Variants in ATF7IP2 observed in about 807,000 individuals in gnomAD.
The protein encoded by ATF7IP2 is activating transcription factor 7-interacting protein 2.
ATF7IP2 carries 42 observed loss-of-function variants against 64.2 expected under a neutral mutation model. The ratio of observed to expected loss-of-function variants is 0.65; its 90% CI spans 0.51 to 0.85. ATF7IP2 has a LOEUF of 0.85. Ranked by LOEUF, ATF7IP2 falls within the 40% of genes least tolerant of loss-of-function variation. ATF7IP2 has a pLI of 0.00. For synonymous variants in ATF7IP2, 308 were observed against 272.8 expected (o/e 1.13, Z -1.27); for missense variants, 933 against 784.2 (o/e 1.19, Z -2.27).
intron 12 of ATF7IP2, among the ~76,000 whole-genome samples, chr16:10,475,474 G>A (rs747829899): frequency 1.3e-5 from 2 of 152,078 alleles, no homozygotes; most frequent in African/African-American, 4.8e-5. Context: ...GGCAGATCAT[G>A]AGGTCAGGAG....
chr16:10,411,711 G>C (rs117586993), intron 1 of ATF7IP2, among the ~76,000 whole-genome samples: 22 of 152,186 alleles, frequency 1.4e-4, no homozygotes, highest in Non-Finnish European at 2.8e-4. Flanking sequence ...CTCACTGTAT[G>C]TTATTGGTCT....
In ATF7IP2 at chr16:10,430,929, T is replaced by C; in HGVS notation, c.309T>C (p.Val103=). Residue 103 remains valine (V), a synonymous_variant, in exon 5 of 14, where the codon GTT becomes GTC. Transcript: ENST00000562102. ...QNCIKPVEEI[V]HSETKLEQVV... is the part of the protein sequence containing the mutation. The stretch of plus-strand genomic sequence containing the variant: ...GCATAAAACCAGTAGAAGAAATTGT[T>C]CATTCAGAAACAAAATTGGAACAAG... The C allele has an allele frequency of 1.2e-6, 2 of 1,614,042 alleles. No individual in the cohort carries two copies. Among genetic ancestry groups the C allele is most frequent in the Non-Finnish European group, 8.5e-7 (1 of 1,180,022 alleles).
chr16:10,471,117 C>G (rs1176831712), intron 9 of ATF7IP2, among the ~76,000 whole-genome samples: 2 of 152,026 alleles, frequency 1.3e-5, no homozygotes, highest in Non-Finnish European at 2.9e-5. Flanking sequence ...AAAAATGTTG[C>G]TGGAATAGAG....
intron 1 of ATF7IP2, among the ~76,000 whole-genome samples, chr16:10,413,894 A>T (rs1405516835): frequency 6.6e-6 from 1 of 152,146 alleles, no homozygotes; most frequent in Non-Finnish European, 1.5e-5. Flanking sequence ...TTTGCCGAGA[A>T]ATCTGCTGTT....
intron 2 of ATF7IP2, among the ~76,000 whole-genome samples, chr16:10,416,073 A>G (rs1470270782): frequency 2.6e-5 from 4 of 152,228 alleles, no homozygotes; most frequent in East Asian, 1.9e-4. Context: ...TAGAGCTACC[A>G]TGCAATCCAG....
chr16:10,438,047 A>G (rs1211351906), intron 6 of ATF7IP2, 54 bp from the exon 7 acceptor site: 1 of 1,405,506 alleles, frequency 7.1e-7, no homozygotes, highest in Non-Finnish European at 9.4e-7. Context: ...AGAAAGTAAA[A>G]TTGCTTTTAA....
chr16:10,475,395 T>A (rs181011984), intron 12 of ATF7IP2, among the ~76,000 whole-genome samples: 1 of 152,204 alleles, frequency 6.6e-6, no homozygotes, highest in Non-Finnish European at 1.5e-5. Context: ...AAGGAATTTT[T>A]AAAATATCCA....
chr16:10,451,778 G>T (rs1308284288), intron 8 of ATF7IP2, among the ~76,000 whole-genome samples: 1 of 151,758 alleles, frequency 6.6e-6, no homozygotes, highest in Non-Finnish European at 1.5e-5. Flanking sequence ...GCTCCTTTAG[G>T]CTGGGTACAC....
intron 6 of ATF7IP2, 146 bp downstream of exon 6, chr16:10,433,795 C>A (rs1010709029): frequency 4.3e-5 from 36 of 830,368 alleles, no homozygotes; most frequent in Admixed American, 8.0e-5. Flanking sequence ...ATCAGACAGA[C>A]TGGGGAGAGA....
intron 6 of ATF7IP2, among the ~76,000 whole-genome samples, chr16:10,434,796 T>TCTTG (rs568973450): frequency 7.2e-5 from 11 of 152,090 alleles, no homozygotes; most frequent in African/African-American, 2.4e-4. Context: ...AGAAGTAAGT[T>TCTTG]TTTGTTTGTT....
intron 9 of ATF7IP2, among the ~76,000 whole-genome samples, chr16:10,467,422 GAGA>G (rs1181730518): frequency 5.9e-5 from 9 of 152,082 alleles, no homozygotes; most frequent in African/African-American, 1.7e-4. Context: ...ATGAACATCT[GAGA>G]AGAATTACTT....
At chr16:10,470,837 ATGTGTGTGTATATATATG>A (rs2049773294) in intron 9 of ATF7IP2, among the ~76,000 whole-genome samples, 1 of 137,242 alleles carries the variant, frequency 7.3e-6, no homozygotes, top group Non-Finnish European at 1.5e-5. Context: ...ATATATATAT[ATGTGTGTGTATATATATG>A]TGTGTGTGTG....
intron 1 of ATF7IP2, among the ~76,000 whole-genome samples, chr16:10,411,903 TTGTTTTTTTTTTTTTCCTC>T (rs1395606681): frequency 6.7e-6 from 1 of 148,488 alleles, no homozygotes; most frequent in Non-Finnish European, 1.5e-5. Flanking sequence ...TTGAGCTTAT[TTGTTTTTTTTTTTTTCCTC>T]AGCTTTTCTT....
intron 7 of ATF7IP2, among the ~76,000 whole-genome samples, chr16:10,438,629 C>T (rs1218029766): frequency 1.3e-5 from 2 of 152,210 alleles, no homozygotes; most frequent in East Asian, 3.9e-4. Context: ...GGAAGACATA[C>T]CTGATTCCTG....
chr16:10,443,987 G>T (rs2048717266), intron 8 of ATF7IP2, among the ~76,000 whole-genome samples: 1 of 152,192 alleles, frequency 6.6e-6, no homozygotes, highest in Non-Finnish European at 1.5e-5. Context: ...AAGAGCTACA[G>T]GGTTTCAAAT....
At chr16:10,442,080 G>T (rs1172341834) in intron 8 of ATF7IP2, among the ~76,000 whole-genome samples, 1 of 152,180 alleles carries the variant, frequency 6.6e-6, no homozygotes, top group African/African-American at 2.4e-5. Context: ...CAATTGACTA[G>T]ATTTAGCATT....
chr16:10,418,983 A>C (rs979780064), intron 2 of ATF7IP2, among the ~76,000 whole-genome samples: 1 of 152,216 alleles, frequency 6.6e-6, no homozygotes, highest in African/African-American at 2.4e-5. Flanking sequence ...TTTGTGCTAA[A>C]CATCCCCTTA....
chr16:10,405,530 C>T (rs575134092), intron 1 of ATF7IP2, among the ~76,000 whole-genome samples: 11 of 152,154 alleles, frequency 7.2e-5, no homozygotes, highest in Non-Finnish European at 1.6e-4. Flanking sequence ...GGGCTTGGGC[C>T]GTGAGAAACA....
intron 1 of ATF7IP2, among the ~76,000 whole-genome samples, chr16:10,397,631 CT>C (rs1229745550): frequency 7.2e-5 from 11 of 152,022 alleles, no homozygotes; most frequent in African/African-American, 2.4e-4. Context: ...AATCCCAGGA[CT>C]TTGGGAGGCC....
Sources: allele counts gnomAD v4.1 joint callset (sites outside exome capture counted in the v4.1 genomes callset), GRCh38; gene constraint gnomAD v4.1.1; transcripts MANE v1.5; gene names NCBI Gene and HGNC (gene_info 2026-07-23, HGNC 2026-07-21).